Variants in STX8 observed in about 807,000 individuals in gnomAD.
STX8 encodes syntaxin-8.
A neutral mutation model predicts 37.5 loss-of-function variants in STX8; 23 were observed. The observed-to-expected ratio is 0.61, with a 90% CI of 0.44 to 0.87. The LOEUF is 0.87. Among genes scored for constraint, STX8 ranks in the 40% least tolerant of loss-of-function variants. STX8 has a pLI of 0.00. For synonymous variants in STX8, 115 were observed against 99.1 expected, an observed-to-expected ratio of 1.16 and a Z score of -0.95; for missense variants, 313 against 284.7, an observed-to-expected ratio of 1.10 and a Z score of -0.71.
intron 7 of STX8, among the ~76,000 whole-genome samples, chr17:9,356,650 T>C (rs992329993): frequency 6.6e-6 from 1 of 152,162 alleles, no homozygotes; most frequent in African/African-American, 2.4e-5. Flanking sequence ...TTCCTCTTCC[T>C]CTCTTTCCCC....
At chr17:9,358,942 C>T (rs1910968627) in intron 7 of STX8, among the ~76,000 whole-genome samples, 1 of 152,110 alleles carries the variant, frequency 6.6e-6, no homozygotes. Flanking sequence ...ATTTGATTGG[C>T]TTACATGTAA....
chr17:9,483,338 C>T (rs1014541927), intron 6 of STX8, among the ~76,000 whole-genome samples: 12 of 152,180 alleles, frequency 7.9e-5, no homozygotes, highest in Admixed American at 1.3e-4. Context: ...TTCAATCTTC[C>T]GTTTCAAACT....
chr17:9,404,047 T>A (rs1182838676), intron 6 of STX8, among the ~76,000 whole-genome samples: 1 of 152,184 alleles, frequency 6.6e-6, no homozygotes, highest in African/African-American at 2.4e-5. Flanking sequence ...ATTTTGTATA[T>A]GTTATATGTA....
chr17:9,419,761 A>T (rs149719425), intron 6 of STX8, among the ~76,000 whole-genome samples: 4 of 152,242 alleles, frequency 2.6e-5, no homozygotes, highest in Non-Finnish European at 4.4e-5. Flanking sequence ...GCTCTTATGG[A>T]CCTGAATTTT....
intron 7 of STX8, among the ~76,000 whole-genome samples, chr17:9,258,991 C>T (rs982413106): frequency 6.6e-6 from 1 of 152,256 alleles, no homozygotes; most frequent in East Asian, 1.9e-4. Flanking sequence ...TCTTAAATGA[C>T]TCCCTTCCAC....
chr17:9,569,069 T>C (rs2151919116), intron 1 of STX8, among the ~76,000 whole-genome samples: 1 of 152,304 alleles, frequency 6.6e-6, no homozygotes, highest in East Asian at 1.9e-4. Flanking sequence ...CTTGCCCAAG[T>C]GGTTCTGCCT....
chr17:9,385,653 AC>A (rs1220189983), intron 6 of STX8, among the ~76,000 whole-genome samples: 3 of 152,254 alleles, frequency 2.0e-5, no homozygotes, highest in African/African-American at 7.2e-5. Flanking sequence ...CTAAAGACTT[AC>A]AATACTAATT....
intron 6 of STX8, among the ~76,000 whole-genome samples, chr17:9,445,006 G>A (rs1403484040): frequency 1.3e-5 from 2 of 152,186 alleles, no homozygotes; most frequent in Non-Finnish European, 2.9e-5. Context: ...GCTCTCTGCT[G>A]AGCTGCTGAC....
chr17:9,550,058 C>T (rs1906702474), intron 3 of STX8, among the ~76,000 whole-genome samples: 1 of 151,986 alleles, frequency 6.6e-6, no homozygotes, highest in East Asian at 1.9e-4. Flanking sequence ...CCCATCTGTA[C>T]TAAAAAAATA....
At chr17:9,415,190 C>G (rs1913142176) in intron 6 of STX8, among the ~76,000 whole-genome samples, 1 of 152,184 alleles carries the variant, frequency 6.6e-6, no homozygotes, top group Non-Finnish European at 1.5e-5. Flanking sequence ...GCCTCTTTTT[C>G]TAGCATCTTC....
chr17:9,301,553 G>T (rs1597592399), intron 7 of STX8, among the ~76,000 whole-genome samples: 1 of 151,844 alleles, frequency 6.6e-6, no homozygotes, highest in African/African-American at 2.4e-5. Context: ...CGCGATCTCG[G>T]CTCACTGCAA....
At chr17:9,562,022 A>C (rs1158431475) in intron 2 of STX8, among the ~76,000 whole-genome samples, 3 of 152,116 alleles carry the variant, frequency 2.0e-5, no homozygotes, top group Non-Finnish European at 4.4e-5. Flanking sequence ...AGCAGGAATA[A>C]ATTTTTTATA....
At chr17:9,472,844 T>G (rs1281757611) in intron 6 of STX8, among the ~76,000 whole-genome samples, 2 of 152,156 alleles carry the variant, frequency 1.3e-5, no homozygotes, top group Non-Finnish European at 2.9e-5. Flanking sequence ...CATCCCTTTC[T>G]AGTTAGATGG....
Position 9,414,953 on chromosome 17 carries a change from G to GA in STX8, c.542-36301_542-36300insT, listed in dbSNP as rs1384820519. 1.5e-3 allele frequency among the ~76,000 whole-genome samples: 232 copies of GA among 152,110 alleles called. 2 individuals are homozygous for GA. Among genetic ancestry groups the GA allele is most frequent in the African/African-American group, 4.8e-3 (201 of 41,508 alleles). On this transcript the variant is annotated intron_variant, in intron 6 of 7. Transcript: ENST00000306357. ...TTACAGGCACCCGCCACCATGCCCA[G>GA]CTAATTTTTGTATTTTTAGTAGAGA...
At chr17:9,353,148 T>G (rs1910766432) in intron 7 of STX8, among the ~76,000 whole-genome samples, 1 of 152,154 alleles carries the variant, frequency 6.6e-6, no homozygotes. Flanking sequence ...ATCCTCACAC[T>G]TTGGCTTCCC....
At chr17:9,471,031 CTTTTTTTTTTT>C (rs757411419) in intron 6 of STX8, among the ~76,000 whole-genome samples, 5 of 33,054 alleles carry the variant, frequency 1.5e-4, no homozygotes, top group Non-Finnish European at 2.8e-4. Flanking sequence ...CTGCATCCTG[CTTTTTTTTTTT>C]TTTTTTTTTT....
At chr17:9,338,777 T>TA (rs747662478) in intron 7 of STX8, among the ~76,000 whole-genome samples, 1 of 152,096 alleles carries the variant, frequency 6.6e-6, no homozygotes, top group Non-Finnish European at 1.5e-5. Flanking sequence ...GTTTGCATTT[T>TA]AAAAAACATT....
At chr17:9,419,320 T>C (rs1029868036) in intron 6 of STX8, among the ~76,000 whole-genome samples, 1 of 152,142 alleles carries the variant, frequency 6.6e-6, no homozygotes, top group Non-Finnish European at 1.5e-5. Flanking sequence ...CAAGTGATCC[T>C]CCCACCTCAG....
chr17:9,350,453 T>C (rs1910668635), intron 7 of STX8, among the ~76,000 whole-genome samples: 1 of 152,194 alleles, frequency 6.6e-6, no homozygotes, highest in Admixed American at 6.5e-5. Context: ...TGGGCTCTTC[T>C]GATTGACCCT....
Sources: allele counts gnomAD v4.1 joint callset (sites outside exome capture counted in the v4.1 genomes callset), GRCh38; gene constraint gnomAD v4.1.1; transcripts MANE v1.5; gene names NCBI Gene and HGNC (gene_info 2026-07-23, HGNC 2026-07-21).